The following ENTREP2 variants were observed in gnomAD, a reference collection of about 807,000 sequenced individuals.
ENTREP2 encodes the protein protein ENTREP2.
chr15:29,465,686 A>C, the ENTREP2 span, among the ~76,000 whole-genome samples: 1 of 152,240 alleles, frequency 6.6e-6, no homozygotes, highest in South Asian at 2.1e-4. Flanking sequence ...CAACAATCAA[A>C]CCCCAACATA....
the ENTREP2 span, among the ~76,000 whole-genome samples, chr15:29,423,349 C>G: frequency 6.6e-6 from 1 of 152,054 alleles, no homozygotes; most frequent in Non-Finnish European, 1.5e-5. Flanking sequence ...TCTGACTATA[C>G]ATATAAATAG....
chr15:29,126,334 C>A, the ENTREP2 span: 7 of 1,528,698 alleles, frequency 4.6e-6, no homozygotes, highest in Non-Finnish European at 6.2e-6. Flanking sequence ...GACCTGGCTG[C>A]ACCTGTGAGC....
chr15:29,269,669 C>T, the ENTREP2 span: 3 of 1,561,254 alleles, frequency 1.9e-6, no homozygotes, highest in African/African-American at 2.9e-5. Context: ...TCGGCCTGGC[C>T]GCCAGAGCGG....
the ENTREP2 span, among the ~76,000 whole-genome samples, chr15:29,421,744 G>A: frequency 6.6e-6 from 1 of 152,066 alleles, no homozygotes; most frequent in Non-Finnish European, 1.5e-5. Flanking sequence ...TTAATATAAA[G>A]AGAGCTTACT....
At chr15:29,238,549 C>T in the ENTREP2 span, among the ~76,000 whole-genome samples, 30 of 151,978 alleles carry the variant, frequency 2.0e-4, no homozygotes, top group Non-Finnish European at 3.5e-4. Context: ...GCAGGAGAAT[C>T]GCTTGAACCT....
chr15:29,405,460 C>T, the ENTREP2 span, among the ~76,000 whole-genome samples: 3 of 152,072 alleles, frequency 2.0e-5, no homozygotes, highest in Non-Finnish European at 4.4e-5. Context: ...TAGGGGCTTT[C>T]TTTATCCCTT....
At chr15:29,654,854 A>G in the ENTREP2 span, among the ~76,000 whole-genome samples, 1 of 152,064 alleles carries the variant, frequency 6.6e-6, no homozygotes, top group Non-Finnish European at 1.5e-5. Flanking sequence ...GATCAATGAG[A>G]GTTCCTTACA....
the ENTREP2 span, among the ~76,000 whole-genome samples, chr15:29,284,499 G>A: frequency 0.54 from 80,156 of 149,660 alleles, 23,605 homozygotes; most frequent in Non-Finnish European, 0.68. Context: ...AGAGGTTGCA[G>A]TGAGTAAAGA....
the ENTREP2 span, among the ~76,000 whole-genome samples, chr15:29,165,125 C>T: frequency 4.2e-3 from 640 of 152,102 alleles, 3 homozygotes; most frequent in Admixed American, 8.6e-3. Context: ...TCGAACTGAA[C>T]GACAATAATG....
At chr15:29,656,398 C>T in the ENTREP2 span, among the ~76,000 whole-genome samples, 6 of 151,972 alleles carry the variant, frequency 3.9e-5, no homozygotes, top group Admixed American at 2.6e-4. Context: ...GGTAGTTTTT[C>T]GTATTTTTAA....
At chr15:29,156,372 G>A in the ENTREP2 span, among the ~76,000 whole-genome samples, 3 of 152,108 alleles carry the variant, frequency 2.0e-5, no homozygotes, top group East Asian at 5.9e-4. Context: ...ATTTTTAGTA[G>A]AGATGGGGTT....
At chr15:29,433,934 T>C in the ENTREP2 span, among the ~76,000 whole-genome samples, 3 of 152,196 alleles carry the variant, frequency 2.0e-5, no homozygotes, top group African/African-American at 4.8e-5. Context: ...TCTATTCCCA[T>C]GCCCTGCTTC....
chr15:29,602,367 G>A, the ENTREP2 span, among the ~76,000 whole-genome samples: 1 of 152,190 alleles, frequency 6.6e-6, no homozygotes, highest in East Asian at 1.9e-4. Flanking sequence ...TTCTTGGTCT[G>A]GGTCTGGAAC....
chr15:29,658,517 G>A, the ENTREP2 span, among the ~76,000 whole-genome samples: 5 of 152,120 alleles, frequency 3.3e-5, no homozygotes, highest in Admixed American at 6.6e-5. Flanking sequence ...TAGAATCATC[G>A]TGTATCTTGA....
chr15:29,227,641 C>T, the ENTREP2 span, among the ~76,000 whole-genome samples: 24 of 152,088 alleles, frequency 1.6e-4, no homozygotes, highest in East Asian at 4.1e-3. Flanking sequence ...CACACCCAGC[C>T]GCCACCAGGG....
the ENTREP2 span, chr15:29,234,804 C>G: frequency 6.8e-7 from 1 of 1,461,100 alleles, no homozygotes; most frequent in African/African-American, 1.4e-5. Context: ...GAGCAGGATA[C>G]AATCTGTTTA....
chr15:29,285,378 A>G, the ENTREP2 span, among the ~76,000 whole-genome samples: 1 of 152,224 alleles, frequency 6.6e-6, no homozygotes, highest in Non-Finnish European at 1.5e-5. Flanking sequence ...CTCTCTCAGA[A>G]GTATGAACAA....
At chr15:29,538,268 A>G in the ENTREP2 span, among the ~76,000 whole-genome samples, 1 of 152,138 alleles carries the variant, frequency 6.6e-6, no homozygotes, top group African/African-American at 2.4e-5. Context: ...AGTCATGTTC[A>G]GCTGGGCAGC....
At chr15:29,674,246 C>T in the ENTREP2 span, among the ~76,000 whole-genome samples, 2 of 151,830 alleles carry the variant, frequency 1.3e-5, no homozygotes, top group African/African-American at 2.4e-5. Flanking sequence ...TGTCCTGCTG[C>T]CTGATGGGCA....
Sources: allele counts gnomAD v4.1 joint callset (sites outside exome capture counted in the v4.1 genomes callset), GRCh38; gene constraint gnomAD v4.1.1; transcripts MANE v1.5; gene names NCBI Gene and HGNC (gene_info 2026-07-23, HGNC 2026-07-21).